DNAJC5B: variants seen among roughly 807,000 people sequenced by gnomAD.
DNAJC5B encodes the protein dnaJ homolog subfamily C member 5B.
A neutral mutation model predicts 24.7 loss-of-function variants in DNAJC5B; 23 were observed. The ratio of observed to expected loss-of-function variants is 0.93; its 90% CI spans 0.67 to 1.32. DNAJC5B has a LOEUF of 1.32. Ranked by LOEUF, DNAJC5B falls within the 40% of genes most tolerant of loss-of-function variation. DNAJC5B has a pLI of 0.00. For missense variants in DNAJC5B, 238 were observed against 240.8 expected (o/e 0.99, Z 0.08); for synonymous variants, 101 against 90.1 (o/e 1.12, Z -0.68).
intron 1 of DNAJC5B, among the ~76,000 whole-genome samples, chr8:66,024,072 T>C (rs566879138): frequency 2.6e-5 from 4 of 152,234 alleles, no homozygotes; most frequent in Admixed American, 6.5e-5. Flanking sequence ...CTTAGAGATG[T>C]CTGGTAAGTA....
intron 1 of DNAJC5B, among the ~76,000 whole-genome samples, chr8:66,033,026 G>A (rs763848363): frequency 5.3e-5 from 8 of 152,164 alleles, no homozygotes; most frequent in African/African-American, 7.2e-5. Flanking sequence ...AGGAGGAATC[G>A]GAGACTCAGG....
At chr8:66,055,055 A>T (rs1806934775) in intron 3 of DNAJC5B, among the ~76,000 whole-genome samples, 1 of 152,220 alleles carries the variant, frequency 6.6e-6, no homozygotes. Flanking sequence ...TAATTTTGTA[A>T]GCCAAAATTT....
chr8:66,036,558 C>T (rs1806489044), intron 1 of DNAJC5B, among the ~76,000 whole-genome samples: 1 of 152,150 alleles, frequency 6.6e-6, no homozygotes, highest in Non-Finnish European at 1.5e-5. Context: ...CTCGGCAGCT[C>T]TCGTCATCTT....
At chr8:66,097,927 G>A (rs1807988883) in intron 5 of DNAJC5B, among the ~76,000 whole-genome samples, 1 of 151,980 alleles carries the variant, frequency 6.6e-6, no homozygotes, top group Non-Finnish European at 1.5e-5. Flanking sequence ...TTGGCTCACT[G>A]CAACCTCCAC....
chr8:66,049,193 T>C (rs1586080069), intron 2 of DNAJC5B, among the ~76,000 whole-genome samples: 2 of 152,374 alleles, frequency 1.3e-5, no homozygotes, highest in East Asian at 3.9e-4. Context: ...AGTTGAAGAA[T>C]TACTATTGCC....
intron 5 of DNAJC5B, among the ~76,000 whole-genome samples, chr8:66,083,008 T>C (rs59858991): frequency 0.083 from 10,469 of 125,612 alleles, 392 homozygotes; most frequent in East Asian, 0.2. Context: ...CTTTTCTTTT[T>C]TTTTTTTTTT....
upstream of DNAJC5B, among the ~76,000 whole-genome samples, chr8:66,020,085 C>T (rs1586051600): frequency 6.6e-6 from 1 of 152,324 alleles, no homozygotes; most frequent in East Asian, 1.9e-4. Context: ...GACCAAATGA[C>T]AATTTCTCCC....
At position 66,040,599 on chromosome 8, in the gene DNAJC5B, T is replaced by C. The variant is rs1259672078; in HGVS notation, c.-141-2889T>C. Among the ~76,000 whole-genome samples, 6 of 152,282 alleles carry C rather than the reference T, an allele frequency of 3.9e-5. No individual in the cohort carries two copies. In the East Asian group the frequency reaches 5.8e-4, roughly 15 times the overall value. ...TCCACATTACTTGACTGGAGAGCTG[T>C]CGGCAGTCAGATCTCTCTGACATGG... On this transcript the variant is annotated intron_variant, in intron 1 of 5. Coordinates refer to ENST00000276570, the MANE Select transcript of DNAJC5B (RefSeq NM_033105.6).
chr8:66,082,201 C>G (rs866893005), intron 5 of DNAJC5B, among the ~76,000 whole-genome samples: 14 of 152,104 alleles, frequency 9.2e-5, no homozygotes, highest in Non-Finnish European at 2.1e-4. Context: ...CTGACAGGAC[C>G]AGAAGAGACA....
chr8:66,087,340 C>T (rs113870966), intron 5 of DNAJC5B, among the ~76,000 whole-genome samples: 99 of 152,232 alleles, frequency 6.5e-4, no homozygotes, highest in South Asian at 2.5e-3. Context: ...CCACCAGGTC[C>T]GTCCCTCAAC....
intron 1 of DNAJC5B, among the ~76,000 whole-genome samples, chr8:66,030,839 G>A (rs1806344600): frequency 6.6e-6 from 1 of 152,118 alleles, no homozygotes; most frequent in Non-Finnish European, 1.5e-5. Context: ...GTTTCACCAT[G>A]TTGGCCAGGC....
intron 5 of DNAJC5B, among the ~76,000 whole-genome samples, chr8:66,094,424 G>A (rs1807908203): frequency 6.6e-6 from 1 of 151,840 alleles, no homozygotes; most frequent in African/African-American, 2.4e-5. Context: ...AATTATATAT[G>A]TATTTTCCTA....
intron 2 of DNAJC5B, among the ~76,000 whole-genome samples, chr8:66,047,939 C>A (rs1806758489): frequency 6.6e-6 from 1 of 152,188 alleles, no homozygotes; most frequent in African/African-American, 2.4e-5. Context: ...CAGGGCCCCG[C>A]CTCCTGCAGA....
intron 3 of DNAJC5B, among the ~76,000 whole-genome samples, chr8:66,072,063 A>C: frequency 2.7e-5 from 2 of 75,430 alleles, no homozygotes; most frequent in South Asian, 4.6e-4. Context: ...GTGGGGGGGT[A>C]GGGGAGGGAT....
intron 5 of DNAJC5B, among the ~76,000 whole-genome samples, chr8:66,099,340 G>A (rs1288516799): frequency 1.3e-5 from 2 of 152,120 alleles, no homozygotes; most frequent in Non-Finnish European, 2.9e-5. Flanking sequence ...CCAAATCAAA[G>A]GCTAACAAAT....
chr8:66,080,868 C>T (rs1056942588), intron 5 of DNAJC5B, among the ~76,000 whole-genome samples: 3 of 152,140 alleles, frequency 2.0e-5, no homozygotes, highest in Non-Finnish European at 4.4e-5. Flanking sequence ...TGAGAATGCT[C>T]AGGGCAGGAG....
rs78575551 is a variant in DNAJC5B, at chr8:66,080,469, C to G, written c.426C>G (p.Pro142=). 2 of 1,613,808 alleles carry G rather than the reference C, an allele frequency of 1.2e-6. No individual in the cohort carries two copies. Among genetic ancestry groups the G allele is most frequent in the African/African-American group, 1.3e-5 (1 of 74,886 alleles). Residue 142 remains proline, a synonymous_variant, in exon 5 of 6, where the codon CCC becomes CCG. Transcript: ENST00000276570. ...CCNCCCGHCR[P]ESSVPEEDFY... is the part of the protein sequence containing the mutation. ...ACTGCTGCTGTGGACACTGCCGGCCCGAGTCATCAGTGCCAGAAGAGGACT... is the reference window on the plus strand; with the variant it reads ...ACTGCTGCTGTGGACACTGCCGGCCGGAGTCATCAGTGCCAGAAGAGGACT...
At chr8:66,026,480 A>T (rs1806246032) in intron 1 of DNAJC5B, among the ~76,000 whole-genome samples, 1 of 152,250 alleles carries the variant, frequency 6.6e-6, no homozygotes, top group South Asian at 2.1e-4. Flanking sequence ...AAGGAAAAAA[A>T]GCAAAAGGAA....
chr8:66,099,588 C>T (rs910545454), intron 5 of DNAJC5B, among the ~76,000 whole-genome samples: 2 of 152,062 alleles, frequency 1.3e-5, no homozygotes, highest in African/African-American at 4.8e-5. Context: ...GAAAGGTGCC[C>T]TTTGATAATG....
Sources: gnomAD v4.1 joint callset for allele counts (sites outside exome capture counted in the v4.1 genomes callset) on GRCh38, gnomAD v4.1.1 for gene constraint, MANE v1.5 for transcripts, NCBI Gene and HGNC (gene_info 2026-07-23, HGNC 2026-07-21) for gene names.